CPED1: variants seen among roughly 807,000 people sequenced by gnomAD.
CPED1 encodes the protein cadherin like and PC-esterase domain containing 1, also known as cadherin-like and PC-esterase domain-containing protein 1.
CPED1 carries 114 observed loss-of-function variants against 128.2 expected under a neutral mutation model. The observed-to-expected ratio is 0.89, with a 90% CI of 0.76 to 1.04. The LOEUF is 1.04. Ranked by LOEUF, CPED1 falls within the 50% of genes least tolerant of loss-of-function variation. CPED1 has a pLI of 0.00. For missense variants in CPED1, 1,211 were observed against 1,207.1 expected, an observed-to-expected ratio of 1.00 and a Z score of -0.05; for synonymous variants, 462 against 426.7, an observed-to-expected ratio of 1.08 and a Z score of -1.02.
intron 5 of CPED1, chr7:121,076,529 A>AT (rs1190132015): frequency 6.6e-6 from 1 of 152,066 alleles, no homozygotes; most frequent in Non-Finnish European, 1.5e-5. Flanking sequence ...TGAACAAGTA[A>AT]TTTTTTCAGG....
At chr7:121,063,637 T>C (rs1793745160) in intron 4 of CPED1, among the ~76,000 whole-genome samples, 1 of 152,174 alleles carries the variant, frequency 6.6e-6, no homozygotes, top group Non-Finnish European at 1.5e-5. Context: ...TTTTCTCATA[T>C]TGGGTATTAG....
chr7:121,057,795 A>G (rs1739727293), intron 4 of CPED1, among the ~76,000 whole-genome samples: 1 of 152,252 alleles, frequency 6.6e-6, no homozygotes, highest in South Asian at 2.1e-4. Context: ...AACAATACAG[A>G]CAAAAATATA....
chr7:121,073,893 A>T (rs1375795576), intron 5 of CPED1, among the ~76,000 whole-genome samples: 1 of 150,692 alleles, frequency 6.6e-6, no homozygotes, highest in Non-Finnish European at 1.5e-5. Flanking sequence ...AAAGCCATGC[A>T]CAACATTGGG....
chr7:121,246,334 T>G (rs1267979238), intron 18 of CPED1, among the ~76,000 whole-genome samples: 1 of 152,244 alleles, frequency 6.6e-6, no homozygotes, highest in Non-Finnish European at 1.5e-5. Context: ...CTTCCCTGTT[T>G]GTCTTAGCTC....
chr7:121,167,363 T>G (rs1467326971), intron 16 of CPED1, among the ~76,000 whole-genome samples: 1 of 152,182 alleles, frequency 6.6e-6, no homozygotes, highest in Non-Finnish European at 1.5e-5. Context: ...ACCCTGAGAA[T>G]AAGGGGCTGC....
intron 5 of CPED1, among the ~76,000 whole-genome samples, chr7:121,091,115 C>T (rs1238620220): frequency 6.6e-6 from 1 of 151,594 alleles, no homozygotes; most frequent in Non-Finnish European, 1.5e-5. Context: ...GAGTTGGTTG[C>T]TTGAAAAGAA....
At chr7:121,083,732 C>T (rs1468856342) in intron 5 of CPED1, 1 of 152,258 alleles carries the variant, frequency 6.6e-6, no homozygotes, top group African/African-American at 2.4e-5. Context: ...CGCTTTTCTT[C>T]CATCTAAGTA....
At chr7:121,128,125 C>T (rs1216064964) in intron 10 of CPED1, among the ~76,000 whole-genome samples, 3 of 152,088 alleles carry the variant, frequency 2.0e-5, no homozygotes, top group Non-Finnish European at 4.4e-5. Context: ...ATTTTTATAA[C>T]ACGTTAGCAT....
intron 5 of CPED1, among the ~76,000 whole-genome samples, chr7:121,064,871 A>G (rs1161504984): frequency 6.6e-6 from 1 of 152,202 alleles, no homozygotes; most frequent in Non-Finnish European, 1.5e-5. Context: ...ATGAACCCTC[A>G]TAGATGAAAT....
chr7:121,285,969 A>G (rs1450003581), intron 22 of CPED1, among the ~76,000 whole-genome samples: 1 of 152,228 alleles, frequency 6.6e-6, no homozygotes, highest in Admixed American at 6.5e-5. Context: ...CACTGCTGTG[A>G]GGACATACCT....
chr7:121,101,120 A>G (rs144661886), intron 7 of CPED1, among the ~76,000 whole-genome samples: 2 of 152,062 alleles, frequency 1.3e-5, no homozygotes, highest in Non-Finnish European at 2.9e-5. Flanking sequence ...CAATATCTCT[A>G]TCTGCTTCCC....
At chr7:121,079,493 G>T (rs115266234) in intron 5 of CPED1, among the ~76,000 whole-genome samples, 146 of 152,330 alleles carry the variant, frequency 9.6e-4, no homozygotes, top group African/African-American at 3.3e-3. Flanking sequence ...CCCATCTGCT[G>T]GTCTATATGT....
intron 7 of CPED1, among the ~76,000 whole-genome samples, chr7:121,113,644 TGA>T (rs909068827): frequency 1.3e-5 from 2 of 151,116 alleles, no homozygotes; most frequent in Non-Finnish European, 3.0e-5. Context: ...TGGACTGAGG[TGA>T]GAGGGATGGG....
At chr7:121,015,402 G>C (rs934687851) in intron 2 of CPED1, among the ~76,000 whole-genome samples, 1 of 152,178 alleles carries the variant, frequency 6.6e-6, no homozygotes, top group African/African-American at 2.4e-5. Context: ...GTATTTCTAT[G>C]CATCAGTATT....
chr7:121,195,891 A>G (rs1797260117), intron 16 of CPED1, among the ~76,000 whole-genome samples: 1 of 152,076 alleles, frequency 6.6e-6, no homozygotes, highest in Non-Finnish European at 1.5e-5. Flanking sequence ...TTGGAGAAAT[A>G]GGGGTTTTCT....
At chr7:121,219,358 A>C (rs1281867146) in intron 16 of CPED1, among the ~76,000 whole-genome samples, 1 of 152,008 alleles carries the variant, frequency 6.6e-6, no homozygotes, top group Non-Finnish European at 1.5e-5. Flanking sequence ...GGTGTCTTTC[A>C]GAATGGACTT....
chr7:121,043,990 C>T (rs183830612), intron 3 of CPED1, among the ~76,000 whole-genome samples: 7 of 152,194 alleles, frequency 4.6e-5, no homozygotes, highest in South Asian at 2.1e-4. Flanking sequence ...TCCAAAGCCC[C>T]GCAATATATA....
At chr7:121,072,971 T>C (rs1424208458) in intron 5 of CPED1, among the ~76,000 whole-genome samples, 1 of 152,140 alleles carries the variant, frequency 6.6e-6, no homozygotes, top group African/African-American at 2.4e-5. Flanking sequence ...GCCTCCATTG[T>C]AGCAGTGTCA....
At chr7:121,263,085 G>T (rs1001361601) in intron 18 of CPED1, among the ~76,000 whole-genome samples, 7 of 152,016 alleles carry the variant, frequency 4.6e-5, no homozygotes, top group Non-Finnish European at 8.8e-5. Flanking sequence ...AGATATTTGC[G>T]ATTTAGAAGA....
Sources: allele counts gnomAD v4.1 joint callset (sites outside exome capture counted in the v4.1 genomes callset), GRCh38; gene constraint gnomAD v4.1.1; transcripts MANE v1.5; gene names NCBI Gene and HGNC (gene_info 2026-07-23, HGNC 2026-07-21).